The following CALML4 variants were observed in gnomAD, a reference collection of about 807,000 sequenced individuals.
CALML4 encodes the protein calmodulin like 4.
CALML4 carries 16 observed loss-of-function variants against 17.9 expected under a neutral mutation model. That is an observed-to-expected ratio of 0.89 (90% CI 0.61 to 1.36). The LOEUF is 1.36. Ranked by LOEUF, CALML4 falls within the 40% of genes most tolerant of loss-of-function variation. The pLI is 0.00. For missense variants in CALML4, 203 were observed against 194.8 expected (o/e 1.04, Z -0.25); for synonymous variants, 86 against 71.5 (o/e 1.20, Z -1.02).
intron 2 of CALML4, among the ~76,000 whole-genome samples, chr15:68,201,135 C>A (rs2093164302): frequency 6.6e-6 from 1 of 152,186 alleles, no homozygotes; most frequent in Non-Finnish European, 1.5e-5. Flanking sequence ...CGCCATGTAC[C>A]ATTTAGAGAC....
At chr15:68,201,093 G>C (rs1342647769) in intron 2 of CALML4, among the ~76,000 whole-genome samples, 3 of 152,212 alleles carry the variant, frequency 2.0e-5, no homozygotes, top group Non-Finnish European at 4.4e-5. Context: ...TCCCTGGTAG[G>C]ATTTCAGGGG....
rs1567086391 is a variant in CALML4, at chr15:68,190,939, T to C, written c.*3076A>G. The C allele has an allele frequency of 6.6e-6, 1 of 152,212 alleles. No homozygotes were observed. Among genetic ancestry groups the C allele is most frequent in the East Asian group, 1.9e-4 (1 of 5,202 alleles). 9.4% of individuals were successfully genotyped at this position (152,212 alleles called of 1,614,324 possible). On this transcript the variant is annotated 3_prime_UTR_variant, in exon 5 of 5. Transcript: ENST00000467889. The surrounding 1 kb of genome is among the most constrained non-coding windows in gnomAD (Gnocchi z 4.7). Reference sequence around the variant, plus strand: ...TTTCCTTTGAGTCAAGTGTCTGAAATGGAGTGAAAATATATCCTAACTAAA... The same window carrying C: ...TTTCCTTTGAGTCAAGTGTCTGAAACGGAGTGAAAATATATCCTAACTAAA...
chr15:68,197,463 C>T lies in CALML4; in HGVS notation c.341G>A (p.Gly114Glu). ...ACCTTCCTTGTGGGTGAGCTTCTCC[C>T]CCAGACTCGTGAGTTTTGACCGCAG... is the stretch of plus-strand genomic sequence containing the variant. ...SDLRSKLTSL[G>E]EKLTHKEVDD... Residue 114 changes from glycine to glutamate, a missense_variant, in exon 4 of 5, where the codon GGG becomes GAG. Physicochemically the swap from Gly to Glu is moderately conservative, Grantham distance 98. Coordinates refer to ENST00000467889, the MANE Select transcript of CALML4 (RefSeq NM_033429.3). The surrounding 1 kb of genome is among the most constrained non-coding windows in gnomAD (Gnocchi z 4.1). 6.2e-7 allele frequency: 1 copy of T among 1,614,032 alleles called. No individual in the cohort carries two copies. Among genetic ancestry groups the T allele is most frequent in the South Asian group, 1.1e-5 (1 of 91,080 alleles).
intron 2 of CALML4, 77 bp from the exon 3 acceptor site, chr15:68,199,758 T>G: frequency 2.7e-6 from 4 of 1,482,710 alleles, no homozygotes; most frequent in Non-Finnish European, 2.7e-6. Context: ...CCTTAGTCTC[T>G]TCTCCCTCTT....
At position 68,200,480 on chromosome 15, in the gene CALML4, G is replaced by A. The variant is rs373689152; in HGVS notation, c.35-799C>T. Among the ~76,000 whole-genome samples the A allele has an allele frequency of 3.3e-5, 5 of 152,204 alleles. No individual in the cohort carries two copies. The highest frequency in any genetic ancestry group is 1.9e-4 in the East Asian group (1 of 5,190). On this transcript the variant is annotated intron_variant, in intron 2 of 4. Coordinates refer to ENST00000467889, the MANE Select transcript of CALML4 (RefSeq NM_033429.3). The surrounding 1 kb of genome is among the most constrained non-coding windows in gnomAD (Gnocchi z 4.3). ...AGCTCCCCTAAACCCACAGACTCCCGGCCTGACACAGCCATCCCACGGGCT... is the reference window on the plus strand; with the variant it reads ...AGCTCCCCTAAACCCACAGACTCCCAGCCTGACACAGCCATCCCACGGGCT...
At position 68,201,814 on chromosome 15, in the gene CALML4, C is replaced by T. The variant is rs147718164; in HGVS notation, c.35-2133G>A. Among the ~76,000 whole-genome samples the T allele has an allele frequency of 2.2e-4, 34 of 152,358 alleles. 1 individual carries two copies. The East Asian group carries it at 6.4e-3, about 29-fold the overall frequency. On this transcript the variant is annotated intron_variant, in intron 2 of 4. Transcript: ENST00000467889. ...GCATTCCTGCACTGGAACAAGACAACAGGGTGCTGGAGACCCAGCTGGGCT... is the reference window on the plus strand; with the variant it reads ...GCATTCCTGCACTGGAACAAGACAATAGGGTGCTGGAGACCCAGCTGGGCT...
In CALML4 at chr15:68,204,931, A is replaced by G. The variant is rs2093177025; in HGVS notation, c.34+190T>C. Among the ~76,000 whole-genome samples the G allele has an allele frequency of 6.6e-6, 1 of 152,002 alleles. No individual in the cohort carries two copies. Among genetic ancestry groups the G allele is most frequent in the South Asian group, 2.1e-4 (1 of 4,814 alleles). ...GTCACACTGACAAGTATAAAGCCAC[A>G]TGTCTATTTTGGAGGCTTACCCCCA... On this transcript the variant is annotated intron_variant, in intron 2 of 4. Transcript: ENST00000467889. This position sits in a 1 kb window ranked among gnomAD's most constrained non-coding sequence, Gnocchi z 6.0.
In CALML4 at chr15:68,195,798, G is replaced by GAAAC. The variant is rs568450036; in HGVS notation, c.364+1638_364+1641dup. Among the ~76,000 whole-genome samples the GAAAC allele has an allele frequency of 7.1e-3, 1,082 of 152,308 alleles. 7 individuals carry two copies. Among genetic ancestry groups the GAAAC allele is most frequent in the Middle Eastern group, 0.01 (3 of 294 alleles). ...TTGTCTGGAACACAGCAGTTTCTGT[G>GAAAC]AAACAGTCCTCTGCTGGTTATTAGA... On this transcript the variant is annotated intron_variant, in intron 4 of 4. Coordinates refer to ENST00000467889, the MANE Select transcript of CALML4 (RefSeq NM_033429.3).
In CALML4 at chr15:68,204,943, G is replaced by A. The variant is rs1446628201; in HGVS notation, c.34+178C>T. The stretch of plus-strand genomic sequence containing the variant: ...AGTATAAAGCCACATGTCTATTTTG[G>A]AGGCTTACCCCCAACCCCCACCCCG... On this transcript the variant is annotated intron_variant, in intron 2 of 4. Coordinates refer to ENST00000467889, the MANE Select transcript of CALML4 (RefSeq NM_033429.3). The surrounding 1 kb of genome is among the most constrained non-coding windows in gnomAD (Gnocchi z 6.0). Among the ~76,000 whole-genome samples the A allele has an allele frequency of 6.6e-6, 1 of 151,902 alleles. No homozygotes were observed. The highest frequency in any genetic ancestry group is 2.4e-5 in the African/African-American group (1 of 41,332).
At position 68,192,876 on chromosome 15, in the gene CALML4, G is replaced by C. The variant is rs2093126731; in HGVS notation, c.*1139C>G. ...CTGCACCCCTACCTGTGTTGGTGTG[G>C]TACTCCAGCCCTTTTAGGACTGTGC... On this transcript the variant is annotated 3_prime_UTR_variant, in exon 5 of 5. Coordinates refer to ENST00000467889, the MANE Select transcript of CALML4 (RefSeq NM_033429.3). The C allele has an allele frequency of 6.6e-6, 1 of 152,218 alleles. No homozygotes were observed. Among genetic ancestry groups the C allele is most frequent in the African/African-American group, 2.4e-5 (1 of 41,442 alleles). The allele number at this position is 152,218 out of a possible 1,614,324, so 9.4% of individuals were successfully genotyped here.
At position 68,200,448 on chromosome 15, in the gene CALML4, C is replaced by G. The variant is rs577566399; in HGVS notation, c.35-767G>C. On this transcript the variant is annotated intron_variant, in intron 2 of 4. Transcript: ENST00000467889. This position sits in a 1 kb window ranked among gnomAD's most constrained non-coding sequence, Gnocchi z 4.3. ...GTACTTGGTGGAGGTGGAAGGCAGC[C>G]GGAGCTAGCTCCCCTAAACCCACAG... Among the ~76,000 whole-genome samples the G allele has an allele frequency of 1.3e-5, 2 of 152,212 alleles. No homozygotes were observed. The highest frequency in any genetic ancestry group is 2.9e-5 in the Non-Finnish European group (2 of 68,032).
chr15:68,202,807 CTTTTTTTT>C (rs35057668), intron 2 of CALML4, among the ~76,000 whole-genome samples: 2 of 95,034 alleles, frequency 2.1e-5, no homozygotes, highest in South Asian at 6.4e-4. Context: ...CCATGACCGG[CTTTTTTTT>C]TTTTTTTTTT....
Position 68,205,172 on chromosome 15 carries a change from C to T in CALML4, c.4-21G>A, listed in dbSNP as rs767489836. The T allele has an allele frequency of 1.9e-6, 3 of 1,614,114 alleles. No individual in the cohort carries two copies. The highest frequency in any genetic ancestry group is 1.1e-5 in the South Asian group (1 of 91,076). On this transcript the variant is annotated intron_variant, in intron 1 of 4. Coordinates refer to ENST00000467889, the MANE Select transcript of CALML4 (RefSeq NM_033429.3). This position sits in a 1 kb window ranked among gnomAD's most constrained non-coding sequence, Gnocchi z 4.8. The stretch of plus-strand genomic sequence containing the variant: ...TTGGCCTGCAGCAGAGAAAGGAAAA[C>T]AGTCAGGGGAGGGCTCCACCTGAGG...
At chr15:68,199,982 G>A (rs1162751143) in intron 2 of CALML4, 7 of 200,212 alleles carry the variant, frequency 3.5e-5, no homozygotes, top group African/African-American at 9.3e-5. Flanking sequence ...TGGGTGTCCT[G>A]TATTTTATCT....
Position 68,197,303 on chromosome 15 carries a change from C to T in CALML4, c.364+137G>A. 1 of 743,640 alleles carries T rather than the reference C, an allele frequency of 1.3e-6. No individual in the cohort carries two copies. The highest frequency in any genetic ancestry group is 2.2e-6 in the Non-Finnish European group (1 of 458,368). The allele number at this position is 743,640 out of a possible 1,614,324, so 46.1% of individuals were successfully genotyped here. ...CCAGTCCAGCACCCACCTAGTGTGG[C>T]ATCTGCTCACAGTCTCCTGCGCGCG... On this transcript the variant is annotated intron_variant, in intron 4 of 4. Transcript: ENST00000467889. The surrounding 1 kb of genome is among the most constrained non-coding windows in gnomAD (Gnocchi z 4.1).
chr15:68,199,402 G>T, intron 3 of CALML4, 139 bp downstream of exon 3: 1 of 921,510 alleles, frequency 1.1e-6, no homozygotes, highest in Non-Finnish European at 1.6e-6. Flanking sequence ...GGCACTCCTG[G>T]TCTGGGGCTG....
chr15:68,199,762 C>T (rs962594603), intron 2 of CALML4, 81 bp from the exon 3 acceptor site: 3 of 1,451,608 alleles, frequency 2.1e-6, no homozygotes, highest in African/African-American at 1.4e-5. Flanking sequence ...AGTCTCTTCT[C>T]CCTCTTTTCC....
chr15:68,201,681 G>T (rs1042337342), intron 2 of CALML4, among the ~76,000 whole-genome samples: 1 of 152,238 alleles, frequency 6.6e-6, no homozygotes, highest in African/African-American at 2.4e-5. Flanking sequence ...CAGCAGCAGG[G>T]CCAGGGCTCA....
Position 68,192,260 on chromosome 15 carries a change from G to A in CALML4, c.*1755C>T, listed in dbSNP as rs747250858. The A allele has an allele frequency of 1.2e-4, 18 of 152,166 alleles. No homozygotes were observed. Among genetic ancestry groups the A allele is most frequent in the African/African-American group, 4.1e-4 (17 of 41,428 alleles). The allele number at this position is 152,166 out of a possible 1,614,324, so 9.4% of individuals were successfully genotyped here. Reference sequence around the variant, plus strand: ...TGAAAGTGACAGCAGTTCTCTCGGCGGGGCCAGCATCTAACCGGCCCTCTG... The same window carrying A: ...TGAAAGTGACAGCAGTTCTCTCGGCAGGGCCAGCATCTAACCGGCCCTCTG... On this transcript the variant is annotated 3_prime_UTR_variant, in exon 5 of 5. Coordinates refer to ENST00000467889, the MANE Select transcript of CALML4 (RefSeq NM_033429.3).
Sources: gnomAD v4.1 joint callset for allele counts (sites outside exome capture counted in the v4.1 genomes callset) on GRCh38, gnomAD v4.1.1 for gene constraint, Gnocchi (gnomAD v3.1) non-coding constraint, MANE v1.5 for transcripts, NCBI Gene and HGNC (gene_info 2026-07-23, HGNC 2026-07-21) for gene names.